MND1: variants seen among roughly 807,000 people sequenced by gnomAD.
MND1 encodes the protein meiotic nuclear division protein 1 homolog.
In MND1, 28 loss-of-function variants were observed where a neutral mutation model predicts 35.1. That is an observed-to-expected ratio of 0.80 (90% CI 0.59 to 1.09). The LOEUF (loss-of-function observed/expected upper bound fraction) is 1.09. Among genes scored for constraint, MND1 ranks in the 50% least tolerant of loss-of-function variants. The pLI is 0.00. For missense variants in MND1, 213 were observed against 239.6 expected (o/e 0.89, Z 0.73); for synonymous variants, 69 against 70.5 (o/e 0.98, Z 0.11).
intron 4 of MND1, among the ~76,000 whole-genome samples, chr4:153,366,857 T>C (rs1032588552): frequency 1.3e-5 from 2 of 152,236 alleles, no homozygotes; most frequent in African/African-American, 4.8e-5. Flanking sequence ...ATTTGTTTTA[T>C]AGATGAAGAA....
At chr4:153,400,097 A>C (rs540381376) in intron 6 of MND1, among the ~76,000 whole-genome samples, 1 of 151,600 alleles carries the variant, frequency 6.6e-6, no homozygotes, top group East Asian at 1.9e-4. Context: ...TTTTATAGAG[A>C]TGGTGTCTCG....
At chr4:153,360,675 A>AATAT (rs70963166) in intron 4 of MND1, among the ~76,000 whole-genome samples, 70,581 of 146,832 alleles carry the variant, frequency 0.48, 18,058 homozygotes, top group African/African-American at 0.67. Context: ...TATATAAATA[A>AATAT]ATAAATAAAT....
chr4:153,380,463 A>G lies in MND1; in HGVS notation c.277-13799A>G, dbSNP rs553284384. Among the ~76,000 whole-genome samples, 63 of 152,292 alleles carry G rather than the reference A, an allele frequency of 4.1e-4. No homozygotes were observed. The South Asian group carries it at 0.013, about 31-fold the overall frequency. On this transcript the variant is annotated intron_variant, in intron 4 of 7. Coordinates refer to ENST00000240488, the MANE Select transcript of MND1 (RefSeq NM_032117.4). ...GTATCCCAGAATGTCTCCTGTCCCA[A>G]GTAGGCTTTCTTTTATGTCTTATTG...
intron 4 of MND1, among the ~76,000 whole-genome samples, chr4:153,383,814 G>A (rs1728775331): frequency 2.6e-5 from 4 of 152,164 alleles, no homozygotes; most frequent in South Asian, 2.1e-4. Context: ...TGAAGTAGGC[G>A]GGGAAATACA....
intron 4 of MND1, among the ~76,000 whole-genome samples, chr4:153,387,326 A>T (rs951542046): frequency 2.0e-5 from 3 of 152,208 alleles, no homozygotes; most frequent in Admixed American, 1.3e-4. Context: ...ACCATGAAAT[A>T]TGAACATTTC....
chr4:153,406,396 C>A (rs541938661), intron 6 of MND1, among the ~76,000 whole-genome samples: 1 of 152,132 alleles, frequency 6.6e-6, no homozygotes, highest in East Asian at 1.9e-4. Flanking sequence ...GTGGCACACA[C>A]CTGTAATCCC....
At chr4:153,347,533 C>G (rs1327834130) in intron 1 of MND1, among the ~76,000 whole-genome samples, 1 of 152,170 alleles carries the variant, frequency 6.6e-6, no homozygotes, top group African/African-American at 2.4e-5. Flanking sequence ...TAACTTGGCA[C>G]TAAGCCCTGG....
At chr4:153,387,785 A>C (rs1728909539) in intron 4 of MND1, among the ~76,000 whole-genome samples, 1 of 152,020 alleles carries the variant, frequency 6.6e-6, no homozygotes, top group Non-Finnish European at 1.5e-5. Flanking sequence ...CCAAATAAAT[A>C]AATAAATTGT....
chr4:153,349,001 A>G (rs964202936), intron 1 of MND1, among the ~76,000 whole-genome samples: 1 of 151,926 alleles, frequency 6.6e-6, no homozygotes, highest in African/African-American at 2.4e-5. Context: ...ATTCCTTTAT[A>G]ATCCCCTACA....
intron 7 of MND1, among the ~76,000 whole-genome samples, chr4:153,414,178 C>T (rs1470318400): frequency 6.6e-6 from 1 of 152,168 alleles, no homozygotes; most frequent in Non-Finnish European, 1.5e-5. Context: ...ACACCATTAA[C>T]CTGTCCCTGT....
intron 4 of MND1, among the ~76,000 whole-genome samples, chr4:153,379,325 GA>G (rs375547555): frequency 0.13 from 17,469 of 131,998 alleles, 1,194 homozygotes; most frequent in African/African-American, 0.18. Context: ...AAGAAGAAAA[GA>G]AAAAAAAAAA....
chr4:153,399,549 T>C (rs9790624), intron 6 of MND1, among the ~76,000 whole-genome samples: 38,632 of 152,058 alleles, frequency 0.25, 5,608 homozygotes, highest in African/African-American at 0.41. Context: ...ATTTTAGGCA[T>C]GTAATTTAAG....
At chr4:153,357,937 G>C (rs1773386618) in intron 3 of MND1, among the ~76,000 whole-genome samples, 3 of 152,062 alleles carry the variant, frequency 2.0e-5, no homozygotes. Context: ...TATAGCAACA[G>C]ACTATGAGTG....
intron 4 of MND1, among the ~76,000 whole-genome samples, chr4:153,380,419 C>A (rs1463716126): frequency 2.6e-5 from 4 of 152,214 alleles, no homozygotes; most frequent in African/African-American, 9.6e-5. Context: ...TCTTGGACAT[C>A]TCTCTTTATC....
intron 4 of MND1, among the ~76,000 whole-genome samples, chr4:153,387,096 A>G (rs1046235851): frequency 1.3e-5 from 2 of 152,234 alleles, no homozygotes; most frequent in Non-Finnish European, 2.9e-5. Flanking sequence ...AGAAAACTTA[A>G]AAGTATGTTT....
rs1009019761 is a variant in MND1 at position 153,344,828 on chromosome 4, G to T, written c.3+88G>T. 1.9e-6 allele frequency: 3 copies of T among 1,543,954 alleles called. No individual in the cohort carries two copies. In the African/African-American group the frequency reaches 4.2e-5, roughly 22 times the overall value. ...TCGGCTGCATGTGGATCCCGGCCTG[G>T]CGTTGACCGCCATTCCGGGCCGCGG... On this transcript the variant is annotated intron_variant, in intron 1 of 7. Transcript: ENST00000240488.
At chr4:153,374,267 G>A (rs17029908) in intron 4 of MND1, among the ~76,000 whole-genome samples, 1,600 of 152,216 alleles carry the variant, frequency 0.011, 22 homozygotes, top group African/African-American at 0.034. Flanking sequence ...ATATTTGAGG[G>A]TCTACTGTGT....
At chr4:153,409,982 C>T (rs1729635330) in intron 7 of MND1, among the ~76,000 whole-genome samples, 1 of 152,154 alleles carries the variant, frequency 6.6e-6, no homozygotes, top group Non-Finnish European at 1.5e-5. Flanking sequence ...ACACAGTAGG[C>T]ACAGGCAGCA....
At chr4:153,361,670 C>T (rs774385672) in intron 4 of MND1, 26 of 389,954 alleles carry the variant, frequency 6.7e-5, no homozygotes, top group Non-Finnish European at 1.0e-4. Context: ...AAACCCTGTC[C>T]ACTAAAAATA....
Sources: allele counts gnomAD v4.1 joint callset (sites outside exome capture counted in the v4.1 genomes callset), GRCh38; gene constraint gnomAD v4.1.1; transcripts MANE v1.5; gene names NCBI Gene and HGNC (gene_info 2026-07-23, HGNC 2026-07-21).